MTR: variants seen among roughly 807,000 people sequenced by gnomAD.
MTR encodes 5-methyltetrahydrofolate-homocysteine methyltransferase.
MTR carries 84 observed loss-of-function variants against 154.8 expected under a neutral mutation model. That is an observed-to-expected ratio of 0.54 (90% CI 0.45 to 0.65). The LOEUF is 0.65. Ranked by LOEUF, MTR falls within the 30% of genes least tolerant of loss-of-function variation. MTR has a pLI of 0.00. For missense variants in MTR, 1,275 were observed against 1,570.2 expected, an observed-to-expected ratio of 0.81 and a Z score of 3.18; for synonymous variants, 554 against 553.9, an observed-to-expected ratio of 1.00 and a Z score of 0.00.
intron 1 of MTR, among the ~76,000 whole-genome samples, chr1:236,796,940 CT>C (rs1660425981): frequency 6.6e-6 from 1 of 151,876 alleles, no homozygotes; most frequent in Non-Finnish European, 1.5e-5. Context: ...AGTTATTTCC[CT>C]TTCATCTGAA....
intron 24 of MTR, among the ~76,000 whole-genome samples, chr1:236,877,238 T>C (rs1207015813): frequency 6.6e-6 from 1 of 152,242 alleles, no homozygotes; most frequent in Non-Finnish European, 1.5e-5. Flanking sequence ...GCAAGCTCTC[T>C]TATTTAAGTA....
chr1:236,843,860 TG>T (rs1663407468), intron 15 of MTR, among the ~76,000 whole-genome samples: 1 of 152,130 alleles, frequency 6.6e-6, no homozygotes, highest in Non-Finnish European at 1.5e-5. Flanking sequence ...AGGAGAAGTT[TG>T]GGTTTGGACT....
chr1:236,865,708 A>G (rs75797990), intron 22 of MTR, among the ~76,000 whole-genome samples: 2,986 of 152,300 alleles, frequency 0.02, 111 homozygotes, highest in African/African-American at 0.069. Flanking sequence ...CTAAGGATGT[A>G]TTCACCAAGA....
chr1:236,825,256 T>C lies in MTR; in HGVS notation c.866-82T>C. The C allele has an allele frequency of 7.4e-6, 7 of 942,534 alleles. No homozygotes were observed. The South Asian group carries it at 8.8e-5, about 12-fold the overall frequency. The allele number at this position is 942,534 out of a possible 1,614,324, so 58.4% of individuals were successfully genotyped here. On this transcript the variant is annotated intron_variant, in intron 9 of 32. Coordinates refer to ENST00000366577, the MANE Select transcript of MTR (RefSeq NM_000254.3). ...CATTTAATATAAATATAAAATTATA[T>C]AGTTATTAACATAAAGTCTTTAAAA...
chr1:236,825,258 G>GT (rs1347018597), intron 9 of MTR, 80 bp from the exon 10 acceptor site: 1 of 916,878 alleles, frequency 1.1e-6, no homozygotes, highest in Non-Finnish European at 1.7e-6. Context: ...AAATTATATA[G>GT]TTATTAACAT....
rs114230352 is a variant in MTR at position 236,812,626 on chromosome 1, T to C, written c.503-112T>C. ...TACAAAAGATCATGTTCTTAAACTA[T>C]GCATTGTAAACCAGCAATAGTTCAC... On this transcript the variant is annotated intron_variant, in intron 5 of 32. Transcript: ENST00000366577. 2,850 of 833,004 alleles carry C rather than the reference T, an allele frequency of 3.4e-3. 8 individuals carry two copies. The highest frequency in any genetic ancestry group is 4.4e-3 in the Non-Finnish European group (2,070 of 475,092). 51.6% of individuals were successfully genotyped at this position (833,004 alleles called of 1,614,324 possible). A position where few individuals can be genotyped will look rare whatever the true frequency, so the allele number is the denominator to read the frequency against.
At position 236,795,745 on chromosome 1, in the gene MTR, T is replaced by G; in HGVS notation, c.34+8T>G. The G allele has an allele frequency of 6.2e-7, 1 of 1,614,058 alleles. No individual in the cohort carries two copies. The highest frequency in any genetic ancestry group is 2.2e-5 in the East Asian group (1 of 44,904). On this transcript the variant is annotated splice_region_variant and intron_variant, in intron 1 of 32. Transcript: ENST00000366577. The stretch of plus-strand genomic sequence containing the variant: ...AAGACCTGTCGCAACCCGGTAACGC[T>G]GCGACCCCGTCTGCGTGGTTGGGTT...
chr1:236,894,911 CGTT>C (rs1336186550), intron 30 of MTR: 4 of 363,122 alleles, frequency 1.1e-5, no homozygotes, highest in African/African-American at 2.1e-5. Flanking sequence ...CAGAGCCCCT[CGTT>C]GTAATGCTGG....
chr1:236,853,097 A>G lies in MTR; in HGVS notation c.1953+9A>G, dbSNP rs1664012019. ...TCTTACGTTATGCCCAGGTAGAGAG[A>G]CAAGTGTTCTAATAGATGGATTTTT... On this transcript the variant is annotated intron_variant, in intron 18 of 32. Coordinates refer to ENST00000366577, the MANE Select transcript of MTR (RefSeq NM_000254.3). 1.9e-6 allele frequency: 3 copies of G among 1,613,852 alleles called. No homozygotes were observed. The highest frequency in any genetic ancestry group is 1.1e-5 in the South Asian group (1 of 91,078).
intron 15 of MTR, among the ~76,000 whole-genome samples, chr1:236,842,298 C>T (rs1172431707): frequency 2.0e-5 from 3 of 152,208 alleles, no homozygotes; most frequent in African/African-American, 7.2e-5. Context: ...GATGATGAGC[C>T]ATCCATTATG....
At chr1:236,892,798 T>G (rs1409695649) in intron 29 of MTR, among the ~76,000 whole-genome samples, 1 of 152,206 alleles carries the variant, frequency 6.6e-6, no homozygotes, top group Non-Finnish European at 1.5e-5. Context: ...AAACCTCTGC[T>G]CTAGCCCAGT....
intron 11 of MTR, among the ~76,000 whole-genome samples, chr1:236,827,208 T>C (rs892447005): frequency 4.6e-5 from 7 of 152,154 alleles, no homozygotes; most frequent in Non-Finnish European, 1.0e-4. Context: ...CTACAAGACA[T>C]GAAAGAGGCC....
intron 15 of MTR, among the ~76,000 whole-genome samples, chr1:236,847,980 T>C (rs1018737705): frequency 3.9e-5 from 6 of 152,328 alleles, no homozygotes; most frequent in African/African-American, 1.4e-4. Context: ...ATATGAGATA[T>C]GACCTGCTCC....
chr1:236,825,293 A>AC (rs1553314225), intron 9 of MTR, 45 bp from the exon 10 acceptor site: 15 of 1,434,306 alleles, frequency 1.0e-5, no homozygotes, highest in Non-Finnish European at 1.5e-5. Flanking sequence ...TACAGTGTAT[A>AC]TTTTTAAGGC....
At chr1:236,845,938 GA>G (rs980751748) in intron 15 of MTR, among the ~76,000 whole-genome samples, 4 of 151,946 alleles carry the variant, frequency 2.6e-5, no homozygotes, top group Admixed American at 1.3e-4. Context: ...GATTATAGGG[GA>G]AAAAAACAAC....
At chr1:236,882,952 T>C (rs958536529) in intron 25 of MTR, among the ~76,000 whole-genome samples, 5 of 152,238 alleles carry the variant, frequency 3.3e-5, no homozygotes, top group African/African-American at 1.2e-4. Flanking sequence ...GCTCATTGGC[T>C]CAGGCTCTTT....
chr1:236,868,028 A>G (rs1664914854), intron 22 of MTR, among the ~76,000 whole-genome samples: 2 of 152,228 alleles, frequency 1.3e-5, no homozygotes, highest in African/African-American at 4.8e-5. Flanking sequence ...ATTGGCCTAC[A>G]ATTTTGAAAG....
rs1666941812 is a variant in MTR, at chr1:236,902,091, A to G, written c.*4447A>G. On this transcript the variant is annotated 3_prime_UTR_variant, in exon 33 of 33. Transcript: ENST00000366577. Reference sequence around the variant, plus strand: ...TCTGATTCTTTACACCCCCGCCTCAATCCTCCTGCTGCCTGAATAACCATC... The same window carrying G: ...TCTGATTCTTTACACCCCCGCCTCAGTCCTCCTGCTGCCTGAATAACCATC... 6.6e-6 allele frequency: 1 copy of G among 152,172 alleles called. No homozygotes were observed. Among genetic ancestry groups the G allele is most frequent in the South Asian group, 2.1e-4 (1 of 4,818 alleles). 9.4% of individuals were successfully genotyped at this position (152,172 alleles called of 1,614,324 possible).
In MTR at chr1:236,895,429, CGT is replaced by C; in HGVS notation, c.3478_3479del (p.Val1160ArgfsTer42). The C allele has an allele frequency of 6.2e-7, 1 of 1,604,490 alleles. No homozygotes were observed. The highest frequency in any genetic ancestry group is 8.5e-7 in the Non-Finnish European group (1 of 1,175,268). On this transcript the variant is annotated frameshift_variant, in exon 31 of 33. Transcript: ENST00000366577. LOFTEE classifies it high-confidence loss of function. ...CCTACTGTGGCAGTGAGCAGCTGGA[CGT>C]CGCAGACCTGCGCAGGCTGCGGTAC... The part of the protein sequence containing the change: ...WAYCGSEQLD[V>X]ADLRRLRYKG...
Sources: allele counts gnomAD v4.1 joint callset (sites outside exome capture counted in the v4.1 genomes callset), GRCh38; gene constraint gnomAD v4.1.1; transcripts MANE v1.5; gene names NCBI Gene and HGNC (gene_info 2026-07-23, HGNC 2026-07-21).